DMRT1: variants seen among roughly 807,000 people sequenced by gnomAD.
DMRT1 encodes the protein doublesex and mab-3 related transcription factor 1.
A neutral mutation model predicts 32.3 loss-of-function variants in DMRT1; 7 were observed. The ratio of observed to expected loss-of-function variants is 0.22; its 90% CI spans 0.12 to 0.41. The LOEUF is 0.41. Ranked by LOEUF, DMRT1 falls within the 10% of genes least tolerant of loss-of-function variation. The pLI, the probability that DMRT1 is intolerant of heterozygous loss-of-function variation, is 1.00. For missense variants in DMRT1, 625 were observed against 500.5 expected (o/e 1.25, Z -2.37); for synonymous variants, 278 against 206.1 (o/e 1.35, Z -2.99).
chr9:862,944 T>C (rs959938321), intron 2 of DMRT1, among the ~76,000 whole-genome samples: 1 of 151,924 alleles, frequency 6.6e-6, no homozygotes, highest in African/African-American at 2.4e-5. Context: ...CAAATGTGAT[T>C]GAGTCAAGAG....
chr9:926,658 T>G (rs765383384), intron 4 of DMRT1, among the ~76,000 whole-genome samples: 23 of 150,248 alleles, frequency 1.5e-4, no homozygotes, highest in Non-Finnish European at 2.9e-4. Context: ...TCATTTTGGC[T>G]AAAGATTGCA....
chr9:914,904 A>C (rs1351043520), intron 3 of DMRT1, among the ~76,000 whole-genome samples: 2 of 152,188 alleles, frequency 1.3e-5, no homozygotes, highest in Non-Finnish European at 2.9e-5. Flanking sequence ...CCCAAAGTAC[A>C]CTTAAGCCAG....
chr9:902,794 C>G (rs1294977632), intron 3 of DMRT1, among the ~76,000 whole-genome samples: 1 of 152,052 alleles, frequency 6.6e-6, no homozygotes, highest in Non-Finnish European at 1.5e-5. Context: ...CAGCTTTCCG[C>G]TCCTTTTTAT....
rs956245606 is a variant in DMRT1 at position 894,384 on chromosome 9, G to C, written c.822+189G>C. 1.2e-3 allele frequency: 798 copies of C among 651,818 alleles called. 7 individuals carry two copies. Among genetic ancestry groups the C allele is most frequent in the Middle Eastern group, 4.1e-4 (1 of 2,436 alleles). 40.4% of individuals were successfully genotyped at this position (651,818 alleles called of 1,614,324 possible). A position where few individuals can be genotyped will look rare whatever the true frequency, so the allele number is the denominator to read the frequency against. On this transcript the variant is annotated intron_variant, in intron 3 of 4. Transcript: ENST00000382276. ...CACATGTAGGCACAATATGCAAAAT[G>C]TGTAAGGAATTTTTTACTCTGTCAA...
chr9:875,847 C>G (rs1816478462), intron 2 of DMRT1, among the ~76,000 whole-genome samples: 1 of 152,090 alleles, frequency 6.6e-6, no homozygotes. Context: ...ACGCTCATAT[C>G]CCAAGTTACC....
intron 2 of DMRT1, among the ~76,000 whole-genome samples, chr9:886,888 T>G (rs1296248910): frequency 6.6e-6 from 1 of 152,212 alleles, no homozygotes; most frequent in Non-Finnish European, 1.5e-5. Context: ...AGGTATACTC[T>G]GCTTATGCTT....
intron 4 of DMRT1, among the ~76,000 whole-genome samples, chr9:932,114 C>A (rs183911378): frequency 6.6e-6 from 1 of 152,196 alleles, no homozygotes; most frequent in East Asian, 1.9e-4. Context: ...ACCCCACTCA[C>A]GGGAACACTT....
At chr9:895,801 C>CTTTTTTT (rs1187539144) in intron 3 of DMRT1, among the ~76,000 whole-genome samples, 1 of 121,984 alleles carries the variant, frequency 8.2e-6, no homozygotes, top group Non-Finnish European at 1.7e-5. Context: ...ATAACTGAAA[C>CTTTTTTT]TTTTTTTTTT....
chr9:894,245 G>A, intron 3 of DMRT1, 50 bp downstream of exon 3: 1 of 1,591,650 alleles, frequency 6.3e-7, no homozygotes, highest in Non-Finnish European at 8.6e-7. Context: ...AAAGCCACAT[G>A]CATGTGCACA....
intron 4 of DMRT1, among the ~76,000 whole-genome samples, chr9:929,004 A>G (rs1818622145): frequency 6.6e-6 from 1 of 151,802 alleles, no homozygotes; most frequent in East Asian, 1.9e-4. Context: ...AGCCTGGCTA[A>G]TTTTTTGTAT....
intron 3 of DMRT1, among the ~76,000 whole-genome samples, chr9:909,053 C>G (rs539988543): frequency 2.8e-4 from 43 of 152,272 alleles, no homozygotes; most frequent in Middle Eastern, 3.4e-3. Flanking sequence ...CTGTCTCTGC[C>G]TGCCTCGGTT....
At chr9:875,588 A>G (rs1231291601) in intron 2 of DMRT1, among the ~76,000 whole-genome samples, 2 of 152,186 alleles carry the variant, frequency 1.3e-5, no homozygotes, top group East Asian at 1.9e-4. Flanking sequence ...ATGAAAATAT[A>G]TGGATGATGG....
rs1028038971 is a variant in DMRT1 at position 842,087 on chromosome 9, C to T, written c.249C>T (p.Gly83=). The T allele has an allele frequency of 1.1e-5, 17 of 1,546,032 alleles. No individual in the cohort carries two copies. The highest frequency in any genetic ancestry group is 1.5e-5 in the Non-Finnish European group (17 of 1,149,898). The change falls in exon 1 of 5, where the codon GGC becomes GGT. Residue 83 remains glycine (G), a synonymous_variant. Coordinates refer to ENST00000382276, the MANE Select transcript of DMRT1 (RefSeq NM_021951.3). ...LPKCARCRNH[G]YASPLKGHKR... is the part of the protein sequence containing the mutation. ...AGTGCGCACGCTGCAGGAACCACGG[C>T]TACGCCTCGCCGCTCAAGGGCCACA...
intron 3 of DMRT1, among the ~76,000 whole-genome samples, chr9:906,419 A>G (rs146865118): frequency 6.6e-6 from 1 of 152,338 alleles, no homozygotes; most frequent in Non-Finnish European, 1.5e-5. Context: ...TGACATGAAT[A>G]TAATCCATAT....
At chr9:935,850 G>T (rs1007702875) in intron 4 of DMRT1, among the ~76,000 whole-genome samples, 1 of 152,214 alleles carries the variant, frequency 6.6e-6, no homozygotes, top group African/African-American at 2.4e-5. Context: ...GGAGGCAGAT[G>T]ATTTGTTCAT....
chr9:949,858 C>T (rs1250335589), intron 4 of DMRT1, among the ~76,000 whole-genome samples: 1 of 152,194 alleles, frequency 6.6e-6, no homozygotes, highest in Non-Finnish European at 1.5e-5. Flanking sequence ...ACAGTGTCCT[C>T]CAGGTTCATT....
At chr9:846,747 C>G (rs751145039) in intron 1 of DMRT1, among the ~76,000 whole-genome samples, 2 of 152,284 alleles carry the variant, frequency 1.3e-5, no homozygotes, top group East Asian at 1.9e-4. Context: ...TGTCTGGCAA[C>G]AAGCATTTTT....
In DMRT1 at chr9:871,557, G is replaced by C. The variant is rs558632989; in HGVS notation, c.539-22355G>C. ...GGGGTTTCACCGTGTTAGCCAGGATGGTCTCGATCTCCTGACCTCGTGATC... is the reference window on the plus strand; with the variant it reads ...GGGGTTTCACCGTGTTAGCCAGGATCGTCTCGATCTCCTGACCTCGTGATC... On this transcript the variant is annotated intron_variant, in intron 2 of 4. Coordinates refer to ENST00000382276, the MANE Select transcript of DMRT1 (RefSeq NM_021951.3). 8.6e-4 allele frequency among the ~76,000 whole-genome samples: 120 copies of C among 140,140 alleles called. 2 individuals carry two copies. Among genetic ancestry groups the C allele is most frequent in the South Asian group, 5.8e-3 (26 of 4,458 alleles). The allele number at this position is 140,140 out of a possible 152,430, so 91.9% of individuals were successfully genotyped here.
chr9:873,365 GC>G (rs1816356590), intron 2 of DMRT1, among the ~76,000 whole-genome samples: 1 of 151,778 alleles, frequency 6.6e-6, no homozygotes, highest in Non-Finnish European at 1.5e-5. Context: ...GAGTGCAGTG[GC>G]GCAATCTTGG....
Sources: allele counts gnomAD v4.1 joint callset (sites outside exome capture counted in the v4.1 genomes callset), GRCh38; gene constraint gnomAD v4.1.1; transcripts MANE v1.5; gene names NCBI Gene and HGNC (gene_info 2026-07-23, HGNC 2026-07-21).